The following C5orf24 variants were observed in gnomAD, a reference collection of about 807,000 sequenced individuals.
The protein encoded by C5orf24 is chromosome 5 open reading frame 24.
C5orf24 carries 4 observed loss-of-function variants against 9.8 expected under a neutral mutation model. The observed-to-expected ratio is 0.41, with a 90% CI of 0.20 to 0.93. C5orf24 has a LOEUF of 0.93. C5orf24 is among the 40% of genes least tolerant of loss of function. The pLI, the probability that C5orf24 is intolerant of heterozygous loss-of-function variation, is 0.33. For missense variants in C5orf24, 170 were observed against 236.9 expected, an observed-to-expected ratio of 0.72 and a Z score of 1.85; for synonymous variants, 73 against 81.3, an observed-to-expected ratio of 0.90 and a Z score of 0.55.
At chr5:134,842,440 A>G (rs890910232), upstream of C5orf24, among the ~76,000 whole-genome samples, 1 of 151,958 alleles carries the variant, frequency 6.6e-6, no homozygotes, top group Non-Finnish European at 1.5e-5. Context: ...CAGTGAGCCA[A>G]GATTGGGCCA....
upstream of C5orf24, among the ~76,000 whole-genome samples, chr5:134,842,104 C>T (rs1755901790): frequency 6.6e-6 from 1 of 152,162 alleles, no homozygotes; most frequent in African/African-American, 2.4e-5. Flanking sequence ...GAATTGGTCA[C>T]TATTTCTCTC....
At chr5:134,845,846 G>A (rs1251307578), upstream of C5orf24, 1 of 152,316 alleles carries the variant, frequency 6.6e-6, no homozygotes, top group Non-Finnish European at 1.5e-5. Context: ...ACGCGCAAGC[G>A]CAGCCTGCCA....
chr5:134,849,986 G>A (rs1427918496), intron 1 of C5orf24, among the ~76,000 whole-genome samples: 1 of 151,846 alleles, frequency 6.6e-6, no homozygotes, highest in Non-Finnish European at 1.5e-5. Flanking sequence ...CTTTCCATTG[G>A]AATAAATAGC....
the C5orf24 span, among the ~76,000 whole-genome samples, chr5:134,840,105 G>A: frequency 2.0e-5 from 3 of 152,100 alleles, no homozygotes; most frequent in East Asian, 1.9e-4. Context: ...TCAGGAGATC[G>A]AGACCATCCT....
chr5:134,853,800 T>C (rs1341302532), intron 1 of C5orf24, among the ~76,000 whole-genome samples: 1 of 152,166 alleles, frequency 6.6e-6, no homozygotes, highest in Non-Finnish European at 1.5e-5. Context: ...TAGGAGGTAT[T>C]GGCTGGGTGC....
the C5orf24 span, among the ~76,000 whole-genome samples, chr5:134,838,392 C>T: frequency 2.6e-5 from 4 of 152,180 alleles, no homozygotes; most frequent in Admixed American, 6.5e-5. Context: ...CACTCCCGGC[C>T]GGATGCGGTG....
rs1339342208 is a variant in C5orf24, at chr5:134,852,130, C to T, written c.-3-2768C>T. Among the ~76,000 whole-genome samples, 8 of 152,262 alleles carry T rather than the reference C, an allele frequency of 5.3e-5. No individual in the cohort carries two copies. In the East Asian group the frequency reaches 1.4e-3, roughly 26 times the overall value. On this transcript the variant is annotated intron_variant, in intron 1 of 1. Transcript: ENST00000394976. ...TAATTTTTTGTATTTTTAGTAGAGACGGTGTTTCACTGTGTTAGCCAGGAT... is the reference window on the plus strand; with the variant it reads ...TAATTTTTTGTATTTTTAGTAGAGATGGTGTTTCACTGTGTTAGCCAGGAT...
At chr5:134,851,964 C>T (rs144642769) in intron 1 of C5orf24, among the ~76,000 whole-genome samples, 1,783 of 152,236 alleles carry the variant, frequency 0.012, 33 homozygotes, top group African/African-American at 0.036. Flanking sequence ...TGTTTTGAGA[C>T]GGAGTCTTGC....
At chr5:134,851,811 T>C (rs1354425929) in intron 1 of C5orf24, among the ~76,000 whole-genome samples, 2 of 152,234 alleles carry the variant, frequency 1.3e-5, no homozygotes, top group Non-Finnish European at 2.9e-5. Context: ...ACCAAGCTTA[T>C]TGCCTGGCAC....
In C5orf24 at chr5:134,855,849, A is replaced by G. The variant is rs903442238; in HGVS notation, c.*382A>G. Reference sequence around the variant, plus strand: ...AAGCCTACAGTATAATAAAGACACTAACGTATTTTTAACTGATGGAGCAAA... The same window carrying G: ...AAGCCTACAGTATAATAAAGACACTGACGTATTTTTAACTGATGGAGCAAA... On this transcript the variant is annotated 3_prime_UTR_variant, in exon 2 of 2. Coordinates refer to ENST00000394976, the MANE Select transcript of C5orf24 (RefSeq NM_001135586.1). The G allele has an allele frequency of 9.7e-7, 1 of 1,031,322 alleles. No homozygotes were observed. Among genetic ancestry groups the G allele is most frequent in the Non-Finnish European group, 1.2e-6 (1 of 851,382 alleles). 63.9% of individuals were successfully genotyped at this position (1,031,322 alleles called of 1,614,324 possible).
chr5:134,840,572 CA>C, the C5orf24 span, among the ~76,000 whole-genome samples: 1 of 152,002 alleles, frequency 6.6e-6, no homozygotes, highest in Non-Finnish European at 1.5e-5. Flanking sequence ...CTCACTCTGT[CA>C]TTCAATCTGA....
In C5orf24 at chr5:134,856,381, G is replaced by T. The variant is rs997987370; in HGVS notation, c.*914G>T. On this transcript the variant is annotated 3_prime_UTR_variant, in exon 2 of 2. Transcript: ENST00000394976. ...AAACATTTATTGGCTGGGTGTGGTG[G>T]CTCACACCCAGCACTTTGGGAGGCC... 2.2e-6 allele frequency: 2 copies of T among 925,282 alleles called. No homozygotes were observed. Among genetic ancestry groups the T allele is most frequent in the Non-Finnish European group, 2.6e-6 (2 of 762,132 alleles). The allele number at this position is 925,282 out of a possible 1,614,324, so 57.3% of individuals were successfully genotyped here. A position where few individuals can be genotyped will look rare whatever the true frequency, so the allele number is the denominator to read the frequency against.
chr5:134,855,180 T>C lies in C5orf24; in HGVS notation c.280T>C (p.Ser94Pro). 6.2e-7 allele frequency: 1 copy of C among 1,614,094 alleles called. No homozygotes were observed. The highest frequency in any genetic ancestry group is 2.2e-5 in the East Asian group (1 of 44,894). ...LNRSGKRGRP[S>P]GTTKSAGYRT... ...CCGATCTGGTAAGCGTGGCCGGCCT[T>C]CGGGAACCACCAAATCAGCAGGATA... Residue 94 changes from serine (S) to proline (P), a missense_variant, in exon 2 of 2, where the codon TCG becomes CCG. Ser to Pro is a moderately conservative substitution (Grantham distance 74). Coordinates refer to ENST00000394976, the MANE Select transcript of C5orf24 (RefSeq NM_001135586.1).
At chr5:134,854,799 A>C in intron 1 of C5orf24, 99 bp from the exon 2 acceptor site, 1 of 1,311,794 alleles carries the variant, frequency 7.6e-7, no homozygotes, top group South Asian at 1.3e-5. Flanking sequence ...TGTAGCCTGC[A>C]TAGTTGTTGG....
At chr5:134,835,478 C>T in the C5orf24 span, among the ~76,000 whole-genome samples, 2 of 152,012 alleles carry the variant, frequency 1.3e-5, no homozygotes. Flanking sequence ...AACCCAGTCT[C>T]TACTAAAAAA....
At chr5:134,852,206 C>T (rs1009792996) in intron 1 of C5orf24, among the ~76,000 whole-genome samples, 2 of 152,208 alleles carry the variant, frequency 1.3e-5, no homozygotes, top group Admixed American at 6.5e-5. Flanking sequence ...TCCCAAAGTG[C>T]TGGGATCACA....
At chr5:134,843,858 G>T (rs1282190131), upstream of C5orf24, among the ~76,000 whole-genome samples, 1 of 152,122 alleles carries the variant, frequency 6.6e-6, no homozygotes, top group African/African-American at 2.4e-5. Context: ...CCTGGCCACT[G>T]ATGGATATTT....
intron 1 of C5orf24, among the ~76,000 whole-genome samples, chr5:134,849,241 C>T (rs1210689245): frequency 2.0e-5 from 3 of 151,554 alleles, no homozygotes; most frequent in Non-Finnish European, 2.9e-5. Context: ...GGCAACAGAG[C>T]TAGACTTCGT....
upstream of C5orf24, among the ~76,000 whole-genome samples, chr5:134,842,731 C>T (rs947386166): frequency 6.6e-6 from 1 of 152,106 alleles, no homozygotes; most frequent in South Asian, 2.1e-4. Context: ...TATTTCCTGG[C>T]TCATGGTGCT....
Sources: allele counts gnomAD v4.1 joint callset (sites outside exome capture counted in the v4.1 genomes callset), GRCh38; gene constraint gnomAD v4.1.1; transcripts MANE v1.5; gene names NCBI Gene and HGNC (gene_info 2026-07-23, HGNC 2026-07-21).